The following PCDHA10 variants were observed in gnomAD, a reference collection of about 807,000 sequenced individuals.
PCDHA10 encodes protocadherin alpha-10.
PCDHA10 carries 45 observed loss-of-function variants against 61.2 expected under a neutral mutation model. That is an observed-to-expected ratio of 0.74 (90% CI 0.58 to 0.94). PCDHA10 has a LOEUF of 0.94. PCDHA10 is among the 40% of genes least tolerant of loss of function. The pLI, the probability that PCDHA10 is intolerant of heterozygous loss-of-function variation, is 0.00. For missense variants in PCDHA10, 1,278 were observed against 1,236.2 expected (o/e 1.03, Z -0.51); for synonymous variants, 602 against 548.8 (o/e 1.10, Z -1.35).
intron 1 of PCDHA10, among the ~76,000 whole-genome samples, chr5:140,906,048 C>A (rs1482228569): frequency 1.3e-5 from 2 of 152,170 alleles, no homozygotes; most frequent in South Asian, 2.1e-4. Context: ...TTTATTCTGG[C>A]TGCACTGGCA....
Position 141,010,271 on chromosome 5 carries a change from C to T in PCDHA10, c.*334C>T, listed in dbSNP as rs1031489236. The T allele has an allele frequency of 5.5e-5, 85 of 1,551,586 alleles. No individual in the cohort carries two copies. The highest frequency in any genetic ancestry group is 7.2e-5 in the Non-Finnish European group (83 of 1,146,992). On this transcript the variant is annotated 3_prime_UTR_variant, in exon 4 of 4. Coordinates refer to ENST00000307360, the MANE Select transcript of PCDHA10 (RefSeq NM_018901.4). ...CTCTCTGCCCTGTGCTCCGGGGATCCTGTCTTGATGACACTTGCAGGGCAG... is the reference window on the plus strand; with the variant it reads ...CTCTCTGCCCTGTGCTCCGGGGATCTTGTCTTGATGACACTTGCAGGGCAG...
chr5:140,986,345 C>T (rs1442253492), intron 3 of PCDHA10, among the ~76,000 whole-genome samples: 2 of 152,172 alleles, frequency 1.3e-5, no homozygotes, highest in African/African-American at 4.8e-5. Flanking sequence ...GTTGCAGCCT[C>T]TTCTTCAGAT....
chr5:140,933,377 C>A lies in PCDHA10; in HGVS notation c.2389-45572C>A, dbSNP rs910236493. Among the ~76,000 whole-genome samples the A allele has an allele frequency of 3.9e-5, 6 of 151,980 alleles. No homozygotes were observed. In the South Asian group the frequency reaches 1.2e-3, roughly 31 times the overall value. On this transcript the variant is annotated intron_variant, in intron 1 of 3. Transcript: ENST00000307360. ...TTCTAACCCATCCCAAATTCCTTGG[C>A]TGTTCCTAGAGCCATCTGGTTACCA...
In PCDHA10 at chr5:140,858,085, G is replaced by T; in HGVS notation, c.2037G>T (p.Ser679=). Residue 679 remains serine (S), a synonymous_variant, in exon 1 of 4, where the codon TCG becomes TCT. Coordinates refer to ENST00000307360, the MANE Select transcript of PCDHA10 (RefSeq NM_018901.4). ...GCAGCCAGGCACCCAAGGCCTCGTC[G>T]CGGGCTTCAGTGGGCGTGGCGCCCG... The part of the protein sequence containing the change: ...VEGSQAPKAS[S]RASVGVAPEV... 6.3e-7 allele frequency: 1 copy of T among 1,597,828 alleles called. No homozygotes were observed. The highest frequency in any genetic ancestry group is 1.1e-5 in the South Asian group (1 of 90,540).
At chr5:140,917,665 T>C (rs1174470921) in intron 1 of PCDHA10, among the ~76,000 whole-genome samples, 4 of 152,220 alleles carry the variant, frequency 2.6e-5, no homozygotes, top group African/African-American at 9.6e-5. Flanking sequence ...AGGAAGTCCT[T>C]TCTCCATTGC....
chr5:140,857,755 T>A lies in PCDHA10; in HGVS notation c.1707T>A (p.Ala569=). Residue 569 remains alanine (A), a synonymous_variant, in exon 1 of 4, where the codon GCT becomes GCA. Coordinates refer to ENST00000307360, the MANE Select transcript of PCDHA10 (RefSeq NM_018901.4). ...DNAPALLASP[A]GSAGGAVSEL... ...CTCCCGCGCTGCTGGCGTCTCCCGC[T>A]GGCAGCGCGGGCGGTGCAGTCAGTG... is the stretch of plus-strand genomic sequence containing the variant. 1 of 1,597,184 alleles carries A rather than the reference T, an allele frequency of 6.3e-7. No individual in the cohort carries two copies. The highest frequency in any genetic ancestry group is 8.6e-7 in the Non-Finnish European group (1 of 1,167,478).
chr5:140,967,012 G>C (rs1554229065), intron 1 of PCDHA10: 1 of 1,606,656 alleles, frequency 6.2e-7, no homozygotes, highest in African/African-American at 1.3e-5. Flanking sequence ...TCAACCATCT[G>C]GGTGCGCCCA....
intron 1 of PCDHA10, among the ~76,000 whole-genome samples, chr5:140,897,588 T>C (rs1554187466): frequency 6.6e-6 from 1 of 152,172 alleles, no homozygotes; most frequent in African/African-American, 2.4e-5. Flanking sequence ...CAGTCTGTCA[T>C]TGTTGGACAT....
intron 1 of PCDHA10, among the ~76,000 whole-genome samples, chr5:140,944,406 C>T (rs1003379783): frequency 2.0e-5 from 3 of 152,084 alleles, no homozygotes; most frequent in Non-Finnish European, 2.9e-5. Flanking sequence ...AGGCTGGTCT[C>T]GAACTCCTGA....
chr5:140,860,664 A>T (rs1400061239), intron 1 of PCDHA10: 2 of 152,252 alleles, frequency 1.3e-5, no homozygotes, highest in Non-Finnish European at 2.9e-5. Context: ...AATAATATGA[A>T]ATCAAATGCA....
At chr5:140,901,716 G>A (rs555901106) in intron 1 of PCDHA10, among the ~76,000 whole-genome samples, 1 of 152,176 alleles carries the variant, frequency 6.6e-6, no homozygotes, top group South Asian at 2.1e-4. Flanking sequence ...TTTTCAGATT[G>A]TCTTTTCTAT....
rs1554148102 is a variant in PCDHA10 at position 140,856,036 on chromosome 5, A to T, written c.-13A>T. ...CGCTGATTCGTCGATTTGTAAAACA[A>T]GAGAAGGATAAGATGGTTTCCAGAT... On this transcript the variant is annotated 5_prime_UTR_variant, in exon 1 of 4. It adds an upstream start codon to the 5' untranslated region. Coordinates refer to ENST00000307360, the MANE Select transcript of PCDHA10 (RefSeq NM_018901.4). 1 of 1,567,408 alleles carries T rather than the reference A, an allele frequency of 6.4e-7. No individual in the cohort carries two copies. The highest frequency in any genetic ancestry group is 1.4e-5 in the African/African-American group (1 of 73,538).
At position 140,969,285 on chromosome 5, in the gene PCDHA10, C is replaced by T. The variant is rs782734189; in HGVS notation, c.2389-9664C>T. The stretch of plus-strand genomic sequence containing the variant: ...CTCACAGGCCAAAGTGGTCAGAATG[C>T]TGGGAACCTGATTATTCTCAAAAAT... On this transcript the variant is annotated intron_variant, in intron 1 of 3. Coordinates refer to ENST00000307360, the MANE Select transcript of PCDHA10 (RefSeq NM_018901.4). 51 of 1,614,062 alleles carry T rather than the reference C, an allele frequency of 3.2e-5. No individual in the cohort carries two copies. The highest frequency in any genetic ancestry group is 4.3e-5 in the Non-Finnish European group (51 of 1,180,038).
At chr5:140,959,038 A>G (rs1389837259) in intron 1 of PCDHA10, among the ~76,000 whole-genome samples, 2 of 151,994 alleles carry the variant, frequency 1.3e-5, no homozygotes, top group African/African-American at 4.8e-5. Flanking sequence ...ATGGGTATGT[A>G]TGTATAGGAA....
At chr5:140,962,564 G>A (rs1224952009) in intron 1 of PCDHA10, among the ~76,000 whole-genome samples, 2 of 152,124 alleles carry the variant, frequency 1.3e-5, no homozygotes, top group Non-Finnish European at 2.9e-5. Context: ...CCCCCTAAAA[G>A]CCAATTGTTA....
At chr5:140,950,358 G>A (rs1474217490) in intron 1 of PCDHA10, among the ~76,000 whole-genome samples, 3 of 151,864 alleles carry the variant, frequency 2.0e-5, no homozygotes, top group Admixed American at 1.3e-4. Context: ...TCCTTTATCT[G>A]AAGATCTATT....
chr5:140,875,610 C>T (rs1266412721), intron 1 of PCDHA10: 6 of 1,613,716 alleles, frequency 3.7e-6, no homozygotes, highest in African/African-American at 1.3e-5. Flanking sequence ...CCTTCGTGGG[C>T]CGCATCGCTC....
At chr5:140,882,606 C>A (rs782588313) in intron 1 of PCDHA10, 1 of 1,614,120 alleles carries the variant, frequency 6.2e-7, no homozygotes, top group African/African-American at 1.3e-5. Context: ...GTGGACAGGC[C>A]TCTGCAGGTT....
rs782325182 is a variant in PCDHA10 at position 140,858,202 on chromosome 5, A to T, written c.2154A>T (p.Ala718=). 3.1e-6 allele frequency: 5 copies of T among 1,597,020 alleles called. No homozygotes were observed. ...LLVLTLLLYT[A]LRCSAAPTEG... The stretch of plus-strand genomic sequence containing the variant: ...TGCTCACGCTGCTGCTGTACACTGC[A>T]CTGAGGTGCTCGGCGGCGCCCACCG... The change falls in exon 1 of 4, where the codon GCA becomes GCT. Residue 718 remains alanine, a synonymous_variant. Transcript: ENST00000307360.
Sources: allele counts gnomAD v4.1 joint callset (sites outside exome capture counted in the v4.1 genomes callset), GRCh38; gene constraint gnomAD v4.1.1; transcripts MANE v1.5; gene names NCBI Gene and HGNC (gene_info 2026-07-23, HGNC 2026-07-21).